RCAN1: variants seen among roughly 807,000 people sequenced by gnomAD.
The protein encoded by RCAN1 is calcipressin-1.
RCAN1 carries 11 observed loss-of-function variants against 22.9 expected under a neutral mutation model. The ratio of observed to expected loss-of-function variants is 0.48; its 90% CI spans 0.30 to 0.79. The LOEUF (loss-of-function observed/expected upper bound fraction) is 0.79, where lower values mean the gene tolerates loss of function less well. RCAN1 is among the 30% of genes least tolerant of loss of function. The pLI is 0.06. For missense variants in RCAN1, 291 were observed against 337.8 expected, an observed-to-expected ratio of 0.86 and a Z score of 1.09; for synonymous variants, 136 against 142.3, an observed-to-expected ratio of 0.96 and a Z score of 0.32.
chr21:34,567,992 G>A lies in RCAN1; in HGVS notation c.253-44282C>T, dbSNP rs528056361. Among the ~76,000 whole-genome samples, 5 of 152,344 alleles carry A rather than the reference G, an allele frequency of 3.3e-5. No homozygotes were observed. In the East Asian group the frequency reaches 9.6e-4, roughly 29 times the overall value. ...ATTCCATCTGATAGCTAAGCGCACA[G>A]AAGGGGCTCGGCTCTGGGAGCAGTG... On this transcript the variant is annotated intron_variant, in intron 1 of 3. Coordinates refer to ENST00000313806, the MANE Select transcript of RCAN1 (RefSeq NM_004414.7).
intron 1 of RCAN1, among the ~76,000 whole-genome samples, chr21:34,595,871 C>A (rs1476546842): frequency 6.6e-6 from 1 of 152,214 alleles, no homozygotes; most frequent in Non-Finnish European, 1.5e-5. Flanking sequence ...AGGGGTGGGA[C>A]ATACGTGTGA....
intron 1 of RCAN1, among the ~76,000 whole-genome samples, chr21:34,607,790 G>A (rs891345065): frequency 9.9e-5 from 15 of 152,152 alleles, no homozygotes; most frequent in Admixed American, 2.0e-4. Context: ...AGCAGGGATC[G>A]CCAACCTCCG....
intron 1 of RCAN1, among the ~76,000 whole-genome samples, chr21:34,608,866 G>A (rs1988611153): frequency 6.6e-6 from 1 of 152,126 alleles, no homozygotes; most frequent in African/African-American, 2.4e-5. Context: ...AGGATAAATA[G>A]CTTCCCAGAG....
At chr21:34,543,994 TCA>T (rs1986026898) in intron 1 of RCAN1, among the ~76,000 whole-genome samples, 1 of 152,256 alleles carries the variant, frequency 6.6e-6, no homozygotes, top group Non-Finnish European at 1.5e-5. Flanking sequence ...CCTATGAACT[TCA>T]GTTTCCTCAT....
At chr21:34,593,030 AT>A in intron 1 of RCAN1, among the ~76,000 whole-genome samples, 1 of 152,362 alleles carries the variant, frequency 6.6e-6, no homozygotes, top group East Asian at 1.9e-4. Context: ...GCAGTGCAGT[AT>A]TAAAAATTAC....
In RCAN1 at chr21:34,518,257, C is replaced by T. The variant is rs1215043340; in HGVS notation, c.587-1G>A. ...GCTGCGTGCAATTCATACTTTTCCCCTAAGGAGGGAAAATAATCGCAGGGT... is the reference window on the plus strand; with the variant it reads ...GCTGCGTGCAATTCATACTTTTCCCTTAAGGAGGGAAAATAATCGCAGGGT... On this transcript the variant is annotated splice_acceptor_variant, in intron 3 of 3. Transcript: ENST00000313806. LOFTEE classifies it high-confidence loss of function. The surrounding 1 kb of genome is among the most constrained non-coding windows in gnomAD (Gnocchi z 4.2). The T allele has an allele frequency of 6.2e-7, 1 of 1,613,526 alleles. No individual in the cohort carries two copies. Among genetic ancestry groups the T allele is most frequent in the South Asian group, 1.1e-5 (1 of 91,072 alleles).
chr21:34,532,021 G>A (rs1985418014), intron 1 of RCAN1, among the ~76,000 whole-genome samples: 1 of 152,124 alleles, frequency 6.6e-6, no homozygotes, highest in Non-Finnish European at 1.5e-5. Context: ...GGGGGCTGGG[G>A]GCGGGGGTAG....
At chr21:34,577,189 T>C (rs1243415592) in intron 1 of RCAN1, among the ~76,000 whole-genome samples, 1 of 152,154 alleles carries the variant, frequency 6.6e-6, no homozygotes, top group African/African-American at 2.4e-5. Context: ...AGGGTCCAAA[T>C]GAGAGGCCTT....
intron 1 of RCAN1, among the ~76,000 whole-genome samples, chr21:34,601,817 C>CAAAAA (rs202036960): frequency 4.8e-5 from 4 of 83,370 alleles, no homozygotes; most frequent in Non-Finnish European, 9.4e-5. Context: ...GACTCTGTCT[C>CAAAAA]AAAAAAAAAA....
chr21:34,541,096 C>A (rs1328678823), intron 1 of RCAN1, among the ~76,000 whole-genome samples: 1 of 152,158 alleles, frequency 6.6e-6, no homozygotes, highest in Non-Finnish European at 1.5e-5. Context: ...CCTACAGGGG[C>A]TTAAGATGGA....
chr21:34,613,087 G>C (rs1410111215), intron 1 of RCAN1, among the ~76,000 whole-genome samples: 4 of 152,212 alleles, frequency 2.6e-5, no homozygotes, highest in Non-Finnish European at 5.9e-5. Flanking sequence ...GCCTAAACCA[G>C]TGGCTGGAAC....
chr21:34,533,787 T>A (rs748545730), intron 1 of RCAN1, among the ~76,000 whole-genome samples: 3 of 152,156 alleles, frequency 2.0e-5, no homozygotes, highest in Non-Finnish European at 2.9e-5. Context: ...GAAGGCATCC[T>A]TGAGAAGGGG....
intron 1 of RCAN1, among the ~76,000 whole-genome samples, chr21:34,568,928 C>T (rs937884614): frequency 6.6e-6 from 1 of 152,114 alleles, no homozygotes; most frequent in South Asian, 2.1e-4. Context: ...TGGTGAGAGA[C>T]AAAAGGTGCT....
At chr21:34,594,098 G>C (rs1011572596) in intron 1 of RCAN1, among the ~76,000 whole-genome samples, 2 of 152,176 alleles carry the variant, frequency 1.3e-5, no homozygotes, top group African/African-American at 4.8e-5. Context: ...TGACCCTTGA[G>C]TTAGAAAGCA....
At chr21:34,554,882 T>C (rs906805037) in intron 1 of RCAN1, among the ~76,000 whole-genome samples, 1 of 152,164 alleles carries the variant, frequency 6.6e-6, no homozygotes, top group African/African-American at 2.4e-5. Flanking sequence ...GCAGGGAAAC[T>C]CCCATTTTTA....
intron 1 of RCAN1, among the ~76,000 whole-genome samples, chr21:34,557,161 C>A (rs1324853703): frequency 2.1e-4 from 32 of 151,924 alleles, no homozygotes; most frequent in Admixed American, 2.1e-3. Flanking sequence ...TGCAGTGAGC[C>A]GAGATCACGC....
intron 1 of RCAN1, among the ~76,000 whole-genome samples, chr21:34,545,156 A>G (rs1369273255): frequency 6.6e-6 from 1 of 152,204 alleles, no homozygotes; most frequent in African/African-American, 2.4e-5. Context: ...AAAGCAAAGC[A>G]AAGCTACGAA....
At chr21:34,590,722 C>A (rs1987943668) in intron 1 of RCAN1, among the ~76,000 whole-genome samples, 1 of 152,210 alleles carries the variant, frequency 6.6e-6, no homozygotes, top group Non-Finnish European at 1.5e-5. Context: ...TCTGTCAGAT[C>A]CTTGATGGCC....
rs981672443 is a variant in RCAN1 at position 34,576,401 on chromosome 21, C to A, written c.252+38359G>T. On this transcript the variant is annotated intron_variant, in intron 1 of 3. Coordinates refer to ENST00000313806, the MANE Select transcript of RCAN1 (RefSeq NM_004414.7). Reference sequence around the variant, plus strand: ...GGATCTGGACAGCTTCCAGAGGAACCCAGGACAAGAGAAAAAGAGCCCCAG... The same window carrying A: ...GGATCTGGACAGCTTCCAGAGGAACACAGGACAAGAGAAAAAGAGCCCCAG... Among the ~76,000 whole-genome samples the A allele has an allele frequency of 2.8e-4, 42 of 152,256 alleles. 1 individual carries two copies. The highest frequency in any genetic ancestry group is 1.9e-3 in the Admixed American group (29 of 15,292).
Sources: gnomAD v4.1 joint callset for allele counts (sites outside exome capture counted in the v4.1 genomes callset) on GRCh38, gnomAD v4.1.1 for gene constraint, Gnocchi (gnomAD v3.1) non-coding constraint, MANE v1.5 for transcripts, NCBI Gene and HGNC (gene_info 2026-07-23, HGNC 2026-07-21) for gene names.